Variants in MCTP1 observed in about 807,000 individuals in gnomAD.
MCTP1 encodes the protein multiple C2 and transmembrane domain containing 1, also known as multiple C2 and transmembrane domain-containing protein 1.
Under a neutral mutation model 120.6 loss-of-function variants are expected in MCTP1, and 69 were observed. The observed-to-expected ratio is 0.57, with a 90% CI of 0.47 to 0.70. The LOEUF (loss-of-function observed/expected upper bound fraction) is 0.70, where lower values mean the gene tolerates loss of function less well. MCTP1 is among the 30% of genes least tolerant of loss of function. MCTP1 has a pLI of 0.00. For synonymous variants in MCTP1, 529 were observed against 493.1 expected, an observed-to-expected ratio of 1.07 and a Z score of -0.96; for missense variants, 1,203 against 1,248.8, an observed-to-expected ratio of 0.96 and a Z score of 0.55.
At chr5:94,722,937 T>C (rs1449380511) in intron 19 of MCTP1, among the ~76,000 whole-genome samples, 1 of 152,170 alleles carries the variant, frequency 6.6e-6, no homozygotes, top group African/African-American at 2.4e-5. Context: ...CCATGCAAAA[T>C]AGACTTCCTC....
chr5:95,073,979 G>A (rs987790306), intron 1 of MCTP1, among the ~76,000 whole-genome samples: 4 of 152,210 alleles, frequency 2.6e-5, no homozygotes, highest in African/African-American at 9.7e-5. Flanking sequence ...GGCCGGGCGT[G>A]GTGGCGGGTG....
chr5:95,130,398 G>T (rs1303168289), intron 1 of MCTP1, among the ~76,000 whole-genome samples: 1 of 152,218 alleles, frequency 6.6e-6, no homozygotes, highest in East Asian at 1.9e-4. Flanking sequence ...AAAATGGGGA[G>T]TGAGAGAGAC....
chr5:95,033,077 G>A (rs930459094), intron 1 of MCTP1, among the ~76,000 whole-genome samples: 1 of 151,836 alleles, frequency 6.6e-6, no homozygotes, highest in African/African-American at 2.4e-5. Flanking sequence ...ACAAAACAAT[G>A]AGTAATGAAA....
At chr5:94,767,472 A>T (rs1773047417) in intron 19 of MCTP1, among the ~76,000 whole-genome samples, 1 of 152,166 alleles carries the variant, frequency 6.6e-6, no homozygotes, top group South Asian at 2.1e-4. Flanking sequence ...AAGTCAAATT[A>T]TCCCTCTTTG....
intron 1 of MCTP1, among the ~76,000 whole-genome samples, chr5:95,144,360 G>A (rs1248181668): frequency 6.6e-6 from 1 of 152,106 alleles, no homozygotes; most frequent in Non-Finnish European, 1.5e-5. Context: ...TAGGCTGTCT[G>A]CTTACTCTGT....
chr5:94,883,204 T>C (rs921029885), intron 12 of MCTP1, among the ~76,000 whole-genome samples: 1 of 152,210 alleles, frequency 6.6e-6, no homozygotes, highest in Non-Finnish European at 1.5e-5. Context: ...ATCATGTACA[T>C]GTATATAATA....
chr5:95,051,228 G>T (rs1745823195), intron 1 of MCTP1, among the ~76,000 whole-genome samples: 1 of 152,132 alleles, frequency 6.6e-6, no homozygotes, highest in Non-Finnish European at 1.5e-5. Flanking sequence ...TATAAGAACT[G>T]GGCTCTAGGC....
At chr5:95,011,346 T>G (rs1835900561) in intron 2 of MCTP1, among the ~76,000 whole-genome samples, 1 of 152,134 alleles carries the variant, frequency 6.6e-6, no homozygotes, top group Non-Finnish European at 1.5e-5. Context: ...TGCTTATACC[T>G]TCTCCTCCAC....
At chr5:94,770,318 C>T (rs367644190) in intron 19 of MCTP1, among the ~76,000 whole-genome samples, 41 of 152,198 alleles carry the variant, frequency 2.7e-4, no homozygotes, top group Non-Finnish European at 5.0e-4. Flanking sequence ...ACTGCTATTT[C>T]GAGAGTTTTT....
chr5:95,133,822 T>C lies in MCTP1; in HGVS notation c.721-116338A>G, dbSNP rs149836186. On this transcript the variant is annotated intron_variant, in intron 1 of 22. Transcript: ENST00000515393. ...CACAGATAAGCAGGGACCACTCTCA[T>C]AAAAAACCTATTGTCTGCAATTAAG... 4.2e-3 allele frequency among the ~76,000 whole-genome samples: 635 copies of C among 152,294 alleles called. 5 individuals carry two copies. The highest frequency in any genetic ancestry group is 0.013 in the African/African-American group (549 of 41,562).
intron 17 of MCTP1, among the ~76,000 whole-genome samples, chr5:94,853,599 T>C (rs1581041948): frequency 6.6e-6 from 1 of 151,912 alleles, no homozygotes; most frequent in East Asian, 1.9e-4. Context: ...CCAGGTTGTT[T>C]CATATTTATC....
intron 10 of MCTP1, among the ~76,000 whole-genome samples, chr5:94,905,343 C>A (rs1275507278): frequency 6.6e-6 from 1 of 152,088 alleles, no homozygotes; most frequent in Non-Finnish European, 1.5e-5. Flanking sequence ...GATTATGATG[C>A]AAAACAATTA....
chr5:94,708,650 A>T (rs1755557475), intron 21 of MCTP1, 41 bp from the exon 22 acceptor site: 1 of 1,281,046 alleles, frequency 7.8e-7, no homozygotes, highest in African/African-American at 1.5e-5. Context: ...ATTTCTGACA[A>T]AAGTGTTGTA....
chr5:95,064,004 A>C (rs1285670817), intron 1 of MCTP1, among the ~76,000 whole-genome samples: 1 of 152,198 alleles, frequency 6.6e-6, no homozygotes, highest in Non-Finnish European at 1.5e-5. Context: ...ATGACAATGA[A>C]AGCTTACTGT....
At chr5:94,795,333 C>G (rs1346276271) in intron 18 of MCTP1, among the ~76,000 whole-genome samples, 2 of 152,192 alleles carry the variant, frequency 1.3e-5, no homozygotes, top group East Asian at 3.9e-4. Context: ...ATCAGTTTCT[C>G]TCTCTTGGAG....
chr5:95,247,472 A>C (rs1756927752), intron 1 of MCTP1, among the ~76,000 whole-genome samples: 1 of 151,746 alleles, frequency 6.6e-6, no homozygotes, highest in African/African-American at 2.4e-5. Flanking sequence ...AGTTCTTTTA[A>C]TTGTGATGTT....
intron 17 of MCTP1, chr5:94,826,019 A>G: frequency 6.3e-6 from 2 of 317,458 alleles, no homozygotes; most frequent in South Asian, 7.8e-5. Flanking sequence ...ACCTTCTACA[A>G]AATGGGTGCT....
chr5:95,061,686 C>G (rs914574018), intron 1 of MCTP1, among the ~76,000 whole-genome samples: 1 of 151,932 alleles, frequency 6.6e-6, no homozygotes, highest in Middle Eastern at 3.4e-3. Flanking sequence ...CCGCCCGCCT[C>G]GGCCTCCCAA....
At position 94,740,577 on chromosome 5, in the gene MCTP1, G is replaced by C. The variant is rs147170822; in HGVS notation, c.2611-25691C>G. On this transcript the variant is annotated intron_variant, in intron 19 of 22. Transcript: ENST00000515393. ...GTGGTTGTAAGTGGCAGAAATTCAGGCTGTTGGATTTCATAATTTTAATAT... is the reference window on the plus strand; with the variant it reads ...GTGGTTGTAAGTGGCAGAAATTCAGCCTGTTGGATTTCATAATTTTAATAT... Among the ~76,000 whole-genome samples, 650 of 152,246 alleles carry C rather than the reference G, an allele frequency of 4.3e-3. 2 individuals are homozygous for C. Among genetic ancestry groups the C allele is most frequent in the Middle Eastern group, 0.01 (3 of 294 alleles).
Sources: allele counts gnomAD v4.1 joint callset (sites outside exome capture counted in the v4.1 genomes callset), GRCh38; gene constraint gnomAD v4.1.1; transcripts MANE v1.5; gene names NCBI Gene and HGNC (gene_info 2026-07-23, HGNC 2026-07-21).